GRIN2A: variants seen among roughly 807,000 people sequenced by gnomAD.
GRIN2A encodes glutamate ionotropic receptor NMDA type subunit 2A, also known as glutamate receptor ionotropic, NMDA 2A.
In GRIN2A, 22 loss-of-function variants were observed where a neutral mutation model predicts 113.4. The observed-to-expected ratio is 0.19, with a 90% CI of 0.14 to 0.28. The LOEUF (loss-of-function observed/expected upper bound fraction) is 0.28. GRIN2A is among the 10% of genes least tolerant of loss of function. The pLI is 1.00. For synonymous variants in GRIN2A, 827 were observed against 738.4 expected (o/e 1.12, Z -1.94); for missense variants, 1,502 against 1,887.0 (o/e 0.80, Z 3.78).
At chr16:10,006,175 G>C (rs2046401804) in intron 2 of GRIN2A, among the ~76,000 whole-genome samples, 1 of 152,212 alleles carries the variant, frequency 6.6e-6, no homozygotes, top group Non-Finnish European at 1.5e-5. Context: ...TGCAGTCGTA[G>C]AAGTCACCAA....
chr16:9,786,406 G>A (rs954119106), intron 11 of GRIN2A, among the ~76,000 whole-genome samples: 1 of 152,130 alleles, frequency 6.6e-6, no homozygotes, highest in Non-Finnish European at 1.5e-5. Context: ...TGGGGCCTGA[G>A]GCATGGACGA....
At chr16:10,030,609 T>C (rs1339248460) in intron 2 of GRIN2A, among the ~76,000 whole-genome samples, 1 of 152,248 alleles carries the variant, frequency 6.6e-6, no homozygotes, top group Non-Finnish European at 1.5e-5. Flanking sequence ...TGTTTTCTAC[T>C]GCATTCTCTC....
intron 9 of GRIN2A, among the ~76,000 whole-genome samples, chr16:9,827,786 G>A (rs1195169412): frequency 6.6e-6 from 1 of 152,166 alleles, no homozygotes; most frequent in African/African-American, 2.4e-5. Flanking sequence ...AGTATACCAT[G>A]CATGTATTCA....
At chr16:9,881,305 C>T (rs561193379) in intron 4 of GRIN2A, among the ~76,000 whole-genome samples, 1 of 152,268 alleles carries the variant, frequency 6.6e-6, no homozygotes, top group South Asian at 2.1e-4. Flanking sequence ...TGCTACTGAG[C>T]AGTATATTCC....
chr16:10,078,080 T>C (rs948996906), intron 2 of GRIN2A, among the ~76,000 whole-genome samples: 5 of 152,212 alleles, frequency 3.3e-5, no homozygotes, highest in Non-Finnish European at 7.3e-5. Flanking sequence ...GGTATATGCC[T>C]ACATCAGCAC....
intron 2 of GRIN2A, among the ~76,000 whole-genome samples, chr16:10,174,058 T>G (rs913154731): frequency 6.6e-6 from 1 of 151,294 alleles, no homozygotes; most frequent in African/African-American, 2.4e-5. Context: ...GACTCTAGGG[T>G]TTCAAGTAGG....
At chr16:10,043,199 C>T (rs1170106407) in intron 2 of GRIN2A, among the ~76,000 whole-genome samples, 1 of 152,150 alleles carries the variant, frequency 6.6e-6, no homozygotes, top group African/African-American at 2.4e-5. Context: ...GATATTATCA[C>T]CCCTACTTTA....
At chr16:10,155,914 G>A (rs1012193828) in intron 2 of GRIN2A, among the ~76,000 whole-genome samples, 9 of 152,202 alleles carry the variant, frequency 5.9e-5, no homozygotes, top group Non-Finnish European at 7.3e-5. Flanking sequence ...GATTATGGAA[G>A]CTACAATTCA....
Position 9,949,951 on chromosome 16 carries a change from A to T in GRIN2A, c.415-11400T>A, listed in dbSNP as rs918748731. On this transcript the variant is annotated intron_variant, in intron 2 of 12. Coordinates refer to ENST00000330684, the MANE Select transcript of GRIN2A (RefSeq NM_001134407.3). Reference sequence around the variant, plus strand: ...GGGGGTGTGAAATGAGGGGGCTCAGAGGTAGAACTGAGTGTCTGCAGTGTG... The same window carrying T: ...GGGGGTGTGAAATGAGGGGGCTCAGTGGTAGAACTGAGTGTCTGCAGTGTG... Among the ~76,000 whole-genome samples, 11 of 152,150 alleles carry T rather than the reference A, an allele frequency of 7.2e-5. 1 individual carries two copies.
intron 4 of GRIN2A, among the ~76,000 whole-genome samples, chr16:9,859,924 G>T (rs888721059): frequency 6.6e-6 from 1 of 151,694 alleles, no homozygotes; most frequent in Non-Finnish European, 1.5e-5. Flanking sequence ...TGCCTTCAGT[G>T]CTTTCCACTG....
intron 2 of GRIN2A, among the ~76,000 whole-genome samples, chr16:10,058,308 C>G (rs940483237): frequency 6.6e-6 from 1 of 150,518 alleles, no homozygotes; most frequent in Non-Finnish European, 1.5e-5. Flanking sequence ...AAACAAAAAA[C>G]AAAGAAACAA....
At chr16:10,075,273 G>T (rs746608295) in intron 2 of GRIN2A, among the ~76,000 whole-genome samples, 3 of 152,074 alleles carry the variant, frequency 2.0e-5, no homozygotes, top group Non-Finnish European at 2.9e-5. Flanking sequence ...GAGTTTCACA[G>T]TCATACTAAA....
At chr16:10,111,507 A>G (rs2048613508) in intron 2 of GRIN2A, 1 of 708,602 alleles carries the variant, frequency 1.4e-6, no homozygotes. Context: ...CATGGTTCAT[A>G]GATTTCATAG....
rs1236610369 is a variant in GRIN2A at position 9,764,127 on chromosome 16, C to T, written c.3417G>A (p.Val1139=). The change falls in exon 13 of 13, where the codon GTG becomes GTA. Residue 1139 remains valine, a synonymous_variant. Coordinates refer to ENST00000330684, the MANE Select transcript of GRIN2A (RefSeq NM_001134407.3). ...HLDPPQFVEN[V]TLPENVDFPD... Reference sequence around the variant, plus strand: ...GGAAGTCCACGTTCTCGGGCAGGGTCACATTTTCAACAAACTGGGGTGGAT... The same window carrying T: ...GGAAGTCCACGTTCTCGGGCAGGGTTACATTTTCAACAAACTGGGGTGGAT... The T allele has an allele frequency of 3.7e-6, 6 of 1,613,706 alleles. No individual in the cohort carries two copies. Among genetic ancestry groups the T allele is most frequent in the Non-Finnish European group, 4.2e-6 (5 of 1,179,696 alleles).
At chr16:9,880,370 T>C (rs1022983861) in intron 4 of GRIN2A, among the ~76,000 whole-genome samples, 1 of 151,740 alleles carries the variant, frequency 6.6e-6, no homozygotes, top group Non-Finnish European at 1.5e-5. Flanking sequence ...TGAAACTAAT[T>C]GCAGTTTTCG....
intron 2 of GRIN2A, among the ~76,000 whole-genome samples, chr16:10,138,445 GA>G (rs1211023002): frequency 2.0e-5 from 3 of 152,188 alleles, no homozygotes; most frequent in Non-Finnish European, 4.4e-5. Flanking sequence ...ACAGCGGAAG[GA>G]TGGGGATGGG....
intron 2 of GRIN2A, among the ~76,000 whole-genome samples, chr16:10,151,593 C>A (rs573578182): frequency 2.4e-4 from 36 of 152,340 alleles, no homozygotes; most frequent in African/African-American, 8.7e-4. Flanking sequence ...AAGATCAATG[C>A]TTGACCAACA....
At chr16:10,136,209 GA>G (rs749611328) in intron 2 of GRIN2A, among the ~76,000 whole-genome samples, 2 of 152,022 alleles carry the variant, frequency 1.3e-5, no homozygotes, top group Non-Finnish European at 2.9e-5. Context: ...TTCTGCTTTG[GA>G]AAGCCAATAT....
chr16:9,871,831 C>T (rs2043267515), intron 4 of GRIN2A, among the ~76,000 whole-genome samples: 1 of 152,110 alleles, frequency 6.6e-6, no homozygotes, highest in Non-Finnish European at 1.5e-5. Flanking sequence ...ATTCGCTTCC[C>T]ACTTAAATTC....
Sources: gnomAD v4.1 joint callset for allele counts (sites outside exome capture counted in the v4.1 genomes callset) on GRCh38, gnomAD v4.1.1 for gene constraint, MANE v1.5 for transcripts, NCBI Gene and HGNC (gene_info 2026-07-23, HGNC 2026-07-21) for gene names.